Variants in TBCK observed in about 807,000 individuals in gnomAD.
TBCK encodes TBC1 domain containing kinase, also known as TBC domain-containing protein kinase-like protein.
Under a neutral mutation model 113.4 loss-of-function variants are expected in TBCK, and 99 were observed. The ratio of observed to expected loss-of-function variants is 0.87; its 90% confidence interval spans 0.74 to 1.03. The LOEUF (loss-of-function observed/expected upper bound fraction) is 1.03. Ranked by LOEUF, TBCK falls within the 50% of genes least tolerant of loss-of-function variation. The pLI is 0.00. For synonymous variants in TBCK, 369 were observed against 370.8 expected (o/e 1.00, Z 0.05); for missense variants, 1,045 against 1,061.3 (o/e 0.98, Z 0.21).
intron 23 of TBCK, among the ~76,000 whole-genome samples, chr4:106,150,958 T>C (rs1457129716): frequency 6.6e-6 from 1 of 152,080 alleles, no homozygotes; most frequent in Admixed American, 6.5e-5. Flanking sequence ...AGAACAGTCC[T>C]TTCCTTAATG....
At chr4:106,238,117 G>C (rs1759677845) in intron 12 of TBCK, among the ~76,000 whole-genome samples, 1 of 151,958 alleles carries the variant, frequency 6.6e-6, no homozygotes, top group Non-Finnish European at 1.5e-5. Context: ...ATTTAACTTG[G>C]ATTATATTTA....
chr4:106,174,319 C>T (rs1751379368), intron 22 of TBCK, among the ~76,000 whole-genome samples: 1 of 152,074 alleles, frequency 6.6e-6, no homozygotes, highest in African/African-American at 2.4e-5. Flanking sequence ...AAAGAGTACA[C>T]AGGAGGTAAA....
chr4:106,289,130 T>G (rs1243793274), intron 3 of TBCK, among the ~76,000 whole-genome samples: 1 of 152,202 alleles, frequency 6.6e-6, no homozygotes, highest in Non-Finnish European at 1.5e-5. Context: ...CTACCCAGTT[T>G]AGAGCTATAA....
At chr4:106,145,957 G>A (rs982728611) in intron 23 of TBCK, among the ~76,000 whole-genome samples, 1 of 152,166 alleles carries the variant, frequency 6.6e-6, no homozygotes, top group African/African-American at 2.4e-5. Context: ...GAGTAAAAAT[G>A]AGTCCAACCA....
intron 12 of TBCK, among the ~76,000 whole-genome samples, chr4:106,240,114 C>A (rs1417910538): frequency 1.3e-5 from 2 of 151,866 alleles, no homozygotes; most frequent in African/African-American, 4.8e-5. Flanking sequence ...AATCCATTAA[C>A]ATAATACATA....
At position 106,185,443 on chromosome 4, in the gene TBCK, T is replaced by C. The variant is rs528391377; in HGVS notation, c.2059+8166A>G. ...CAGCAGATCCCTAGAAATTATATCTTGTATAACTTTATACTCACTGAACAA... is the reference window on the plus strand; with the variant it reads ...CAGCAGATCCCTAGAAATTATATCTCGTATAACTTTATACTCACTGAACAA... On this transcript the variant is annotated intron_variant, in intron 22 of 25. Coordinates refer to ENST00000394708, the MANE Select transcript of TBCK (RefSeq NM_001163435.3). Among the ~76,000 whole-genome samples, 9 of 151,980 alleles carry C rather than the reference T, an allele frequency of 5.9e-5. No individual in the cohort carries two copies. In the South Asian group the frequency reaches 1.9e-3, roughly 32 times the overall value.
At chr4:106,301,459 T>C (rs1255083276) in intron 2 of TBCK, among the ~76,000 whole-genome samples, 2 of 152,108 alleles carry the variant, frequency 1.3e-5, no homozygotes, top group Non-Finnish European at 2.9e-5. Context: ...TTTGTTAACA[T>C]AGTATTTTCA....
intron 3 of TBCK, among the ~76,000 whole-genome samples, chr4:106,267,464 A>G (rs1203183737): frequency 1.3e-5 from 2 of 152,022 alleles, no homozygotes; most frequent in East Asian, 3.8e-4. Flanking sequence ...GGACAGATTT[A>G]CAAACTGATA....
intron 3 of TBCK, among the ~76,000 whole-genome samples, chr4:106,271,326 CA>C (rs982990304): frequency 1.3e-5 from 2 of 152,100 alleles, no homozygotes; most frequent in African/African-American, 2.4e-5. Flanking sequence ...TACCAATTCA[CA>C]AAAAATATAA....
chr4:106,149,397 T>C (rs1748216099), intron 23 of TBCK, among the ~76,000 whole-genome samples: 2 of 152,220 alleles, frequency 1.3e-5, no homozygotes, highest in Admixed American at 1.3e-4. Flanking sequence ...TTTCTAGCTT[T>C]TGATTTAAAG....
At chr4:106,209,159 T>C (rs1456163700) in intron 20 of TBCK, among the ~76,000 whole-genome samples, 1 of 152,220 alleles carries the variant, frequency 6.6e-6, no homozygotes, top group African/African-American at 2.4e-5. Flanking sequence ...AACACTACAA[T>C]TGCAGAACTT....
At chr4:106,166,930 T>A (rs1326238370) in intron 23 of TBCK, among the ~76,000 whole-genome samples, 1 of 150,746 alleles carries the variant, frequency 6.6e-6, no homozygotes, top group Non-Finnish European at 1.5e-5. Flanking sequence ...ATAAAAAACG[T>A]CAAACTTAAA....
chr4:106,217,598 T>C (rs903564893), intron 19 of TBCK, among the ~76,000 whole-genome samples: 1 of 151,396 alleles, frequency 6.6e-6, no homozygotes, highest in Non-Finnish European at 1.5e-5. Context: ...AGCCAAATCA[T>C]GAGTGAACTC....
chr4:106,147,251 C>T (rs545492871), intron 23 of TBCK, among the ~76,000 whole-genome samples: 1 of 152,318 alleles, frequency 6.6e-6, no homozygotes, highest in African/African-American at 2.4e-5. Context: ...TTCTGAAAGG[C>T]ATCTAGAATG....
At chr4:106,052,419 T>C (rs570579914) in intron 25 of TBCK, among the ~76,000 whole-genome samples, 1 of 151,996 alleles carries the variant, frequency 6.6e-6, no homozygotes, top group South Asian at 2.1e-4. Context: ...TTCTCATCCA[T>C]GTTTATTTTA....
At chr4:106,201,880 C>T (rs1178058690) in intron 20 of TBCK, among the ~76,000 whole-genome samples, 2 of 151,984 alleles carry the variant, frequency 1.3e-5, no homozygotes, top group South Asian at 2.1e-4. Context: ...CTCTGTAATA[C>T]ATATTGACCA....
intron 2 of TBCK, among the ~76,000 whole-genome samples, chr4:106,306,074 C>T (rs553563828): frequency 1.4e-4 from 21 of 151,250 alleles, no homozygotes; most frequent in Admixed American, 4.6e-4. Context: ...AATTCCTTGC[C>T]GCACAAGATC....
intron 3 of TBCK, among the ~76,000 whole-genome samples, chr4:106,284,318 T>C (rs770761188): frequency 1.3e-5 from 2 of 152,140 alleles, no homozygotes; most frequent in Non-Finnish European, 2.9e-5. Context: ...TATTCAACTC[T>C]GGACCACATT....
chr4:106,170,771 C>G (rs978735455), intron 23 of TBCK, among the ~76,000 whole-genome samples: 2 of 151,920 alleles, frequency 1.3e-5, no homozygotes, highest in Non-Finnish European at 2.9e-5. Context: ...ATTAACAACT[C>G]TTTTTCTATT....
Sources: allele counts gnomAD v4.1 joint callset (sites outside exome capture counted in the v4.1 genomes callset), GRCh38; gene constraint gnomAD v4.1.1; transcripts MANE v1.5; gene names NCBI Gene and HGNC (gene_info 2026-07-23, HGNC 2026-07-21).